Variants in CCDC57 observed in about 807,000 individuals in gnomAD.
CCDC57 encodes the protein coiled-coil domain containing 57.
Under a neutral mutation model 118.9 loss-of-function variants are expected in CCDC57, and 118 were observed. The ratio of observed to expected loss-of-function variants is 0.99; its 90% confidence interval spans 0.86 to 1.16. The LOEUF is 1.16. Among genes scored for constraint, CCDC57 ranks in the 50% most tolerant of loss-of-function variants. The probability of loss-of-function intolerance (pLI) is 0.00; values close to 1 mark genes in which losing one functional copy is unlikely to be tolerated. For missense variants in CCDC57, 1,300 were observed against 1,320.7 expected, an observed-to-expected ratio of 0.98 and a Z score of 0.24; for synonymous variants, 527 against 532.9, an observed-to-expected ratio of 0.99 and a Z score of 0.15.
At chr17:82,145,217 CG>C (rs71166192) in intron 16 of CCDC57, among the ~76,000 whole-genome samples, 64,967 of 141,588 alleles carry the variant, frequency 0.46, 15,779 homozygotes, top group East Asian at 0.88. Flanking sequence ...TTAGTAGAGA[CG>C]GGGTTTCATC....
intron 15 of CCDC57, among the ~76,000 whole-genome samples, chr17:82,152,633 G>A (rs529909302): frequency 6.6e-6 from 1 of 152,368 alleles, no homozygotes; most frequent in South Asian, 2.1e-4. Context: ...TCCAGGCCCT[G>A]GCAAGACGGG....
chr17:82,118,068 T>A lies in CCDC57; in HGVS notation c.2899+9624A>T, dbSNP rs1218238766. Among the ~76,000 whole-genome samples, 1 of 152,140 alleles carries A rather than the reference T, an allele frequency of 6.6e-6. No homozygotes were observed. The highest frequency in any genetic ancestry group is 1.5e-5 in the Non-Finnish European group (1 of 67,998). On this transcript the variant is annotated intron_variant, in intron 19 of 19. Coordinates refer to ENST00000665763, the Ensembl canonical transcript of CCDC57. This position sits in a 1 kb window ranked among gnomAD's most constrained non-coding sequence, Gnocchi z 4.7. The stretch of plus-strand genomic sequence containing the variant: ...GCGGCTCACAAAACTACCAGAAAGA[T>A]CTGTCGGCTCTGTGTGTACTGACAT...
chr17:82,157,996 C>T (rs1207994903), intron 14 of CCDC57, 48 bp from the exon 14 acceptor site: 1 of 1,527,336 alleles, frequency 6.5e-7, no homozygotes, highest in Admixed American at 2.0e-5. Flanking sequence ...AGTGGCTGGG[C>T]TGGAGCAGGC....
Position 82,183,542 on chromosome 17 carries a change from CTG to C in CCDC57, c.1211+230_1211+231del, listed in dbSNP as rs1384628278. ...GCACCTTTATGGCTCTTATTACAGA[CTG>C]AGAAACACCATCCTCTGGCCATGCT... On this transcript the variant is annotated intron_variant, in intron 9 of 19. Coordinates refer to ENST00000665763, the Ensembl canonical transcript of CCDC57. Among the ~76,000 whole-genome samples the C allele has an allele frequency of 4.6e-5, 7 of 152,240 alleles. No individual in the cohort carries two copies. In the East Asian group the frequency reaches 1.3e-3, roughly 29 times the overall value.
In CCDC57 at chr17:82,180,310, G is replaced by A. The variant is rs2046043236; in HGVS notation, c.1212-1121C>T. Among the ~76,000 whole-genome samples the A allele has an allele frequency of 2.0e-5, 3 of 152,332 alleles. No individual in the cohort carries two copies. The South Asian group carries it at 6.2e-4, about 32-fold the overall frequency. On this transcript the variant is annotated intron_variant, in intron 9 of 19. Coordinates refer to ENST00000665763, the Ensembl canonical transcript of CCDC57. ...GACCCTGGGCCTCCAAGGAGAGGCA[G>A]GCCTGGCCATCATTGATTCCAGCCT...
At chr17:82,204,910 G>T (rs976020747) in intron 2 of CCDC57, among the ~76,000 whole-genome samples, 6 of 152,210 alleles carry the variant, frequency 3.9e-5, no homozygotes, top group Admixed American at 2.0e-4. Flanking sequence ...TGTCTGCAAG[G>T]TTCCTCCTAA....
chr17:82,197,997 C>T (rs963258285), intron 4 of CCDC57, among the ~76,000 whole-genome samples: 4 of 152,210 alleles, frequency 2.6e-5, no homozygotes, highest in African/African-American at 7.2e-5. Flanking sequence ...GCCTCCGTAA[C>T]TGCACGAGTG....
intron 14 of CCDC57, 37 bp downstream of exon 13, chr17:82,163,163 C>T (rs377321810): frequency 2.6e-4 from 421 of 1,606,940 alleles, no homozygotes; most frequent in Non-Finnish European, 3.3e-4. Context: ...AGCAGCGGCT[C>T]TCTAGGAGGA....
At chr17:82,196,274 C>A (rs913377302) in intron 4 of CCDC57, among the ~76,000 whole-genome samples, 10 of 152,276 alleles carry the variant, frequency 6.6e-5, no homozygotes, top group African/African-American at 1.9e-4. Flanking sequence ...CACCACTGGT[C>A]TCTTACTGAC....
chr17:82,137,714 G>A (rs1238304305), intron 16 of CCDC57, among the ~76,000 whole-genome samples: 3 of 146,788 alleles, frequency 2.0e-5, no homozygotes, highest in Non-Finnish European at 4.5e-5. Context: ...TCGCTGTGTC[G>A]CCAGGCTGGA....
chr17:82,101,484 C>T (rs781298711), downstream of CCDC57: 19 of 544,846 alleles, frequency 3.5e-5, no homozygotes, highest in African/African-American at 1.4e-4. Context: ...AGGGAGGAAC[C>T]TGGTTTTAAT....
intron 16 of CCDC57, among the ~76,000 whole-genome samples, chr17:82,143,749 T>C (rs1226930322): frequency 6.6e-6 from 1 of 151,926 alleles, no homozygotes; most frequent in East Asian, 1.9e-4. Context: ...AATCCACACT[T>C]AGACACAACA....
chr17:82,151,723 G>A, exon 16 of CCDC57: 1 of 1,550,354 alleles, frequency 6.5e-7, no homozygotes. Context: ...GGAGGTGCAG[G>A]AAAAGCTCCC....
chr17:82,165,342 T>C (rs4789673), intron 13 of CCDC57, among the ~76,000 whole-genome samples: 71,027 of 151,824 alleles, frequency 0.47, 17,405 homozygotes, highest in East Asian at 0.88. Context: ...ACAAAAAGCC[T>C]CACTAGGGGA....
At chr17:82,159,138 A>C (rs1191031095) in intron 14 of CCDC57, among the ~76,000 whole-genome samples, 1 of 151,922 alleles carries the variant, frequency 6.6e-6, no homozygotes, top group Non-Finnish European at 1.5e-5. Context: ...AAGTGTGGGG[A>C]TTACAGGCAT....
intron 16 of CCDC57, chr17:82,145,994 C>A: frequency 3.4e-6 from 1 of 295,782 alleles, no homozygotes; most frequent in Non-Finnish European, 7.1e-6. Context: ...TGAAAGCAGC[C>A]GAGAGCCAGT....
chr17:82,178,715 C>T (rs1408555417), intron 10 of CCDC57, 110 bp from the exon 10 acceptor site: 5 of 1,452,846 alleles, frequency 3.4e-6, no homozygotes, highest in Non-Finnish European at 4.6e-6. Flanking sequence ...CACCAGGCTC[C>T]CCACTGTGGC....
chr17:82,108,814 C>G (rs894321653), intron 19 of CCDC57: 1 of 152,180 alleles, frequency 6.6e-6, no homozygotes, highest in South Asian at 2.1e-4. Context: ...CTGTGGCCGG[C>G]GTCTCCAGGA....
At chr17:82,210,617 T>C (rs2050106253) in intron 1 of CCDC57, among the ~76,000 whole-genome samples, 1 of 148,144 alleles carries the variant, frequency 6.8e-6, no homozygotes, top group African/African-American at 2.5e-5. Flanking sequence ...GAGGCAGAGG[T>C]TGCAGTGAGC....
Sources: gnomAD v4.1 joint callset for allele counts (sites outside exome capture counted in the v4.1 genomes callset) on GRCh38, gnomAD v4.1.1 for gene constraint, Gnocchi (gnomAD v3.1) non-coding constraint, MANE v1.5 for transcripts, NCBI Gene and HGNC (gene_info 2026-07-23, HGNC 2026-07-21) for gene names.